INPP4B: variants seen among roughly 807,000 people sequenced by gnomAD.
INPP4B encodes the protein inositol polyphosphate-4-phosphatase type II B, also known as inositol polyphosphate 4-phosphatase type II.
In INPP4B, 55 loss-of-function variants were observed where a neutral mutation model predicts 122.5. The observed-to-expected ratio is 0.45, with a 90% CI of 0.36 to 0.56. The LOEUF (loss-of-function observed/expected upper bound fraction) is 0.56, where lower values mean the gene tolerates loss of function less well. Among genes scored for constraint, INPP4B ranks in the 20% least tolerant of loss-of-function variants. The pLI is 0.00. For synonymous variants in INPP4B, 403 were observed against 388.7 expected, an observed-to-expected ratio of 1.04 and a Z score of -0.43; for missense variants, 1,000 against 1,097.7, an observed-to-expected ratio of 0.91 and a Z score of 1.26.
chr4:142,150,736 T>A (rs1561296859), intron 17 of INPP4B, among the ~76,000 whole-genome samples: 1 of 152,096 alleles, frequency 6.6e-6, no homozygotes, highest in Non-Finnish European at 1.5e-5. Flanking sequence ...AGGGGGACAT[T>A]ACACCTGGCA....
chr4:142,195,349 T>C (rs3104279), intron 14 of INPP4B, among the ~76,000 whole-genome samples: 133,288 of 152,158 alleles, frequency 0.88, 59,178 homozygotes, highest in East Asian at 0.96. Context: ...GTTCCAGAGA[T>C]ATGCTGTATA....
At chr4:142,777,182 C>T (rs556675492) in intron 1 of INPP4B, among the ~76,000 whole-genome samples, 3 of 152,094 alleles carry the variant, frequency 2.0e-5, no homozygotes, top group African/African-American at 4.8e-5. Flanking sequence ...CAGTACTCCC[C>T]GCCTTGTGGT....
intron 21 of INPP4B, among the ~76,000 whole-genome samples, chr4:142,117,469 C>T (rs1017042228): frequency 6.6e-6 from 1 of 152,142 alleles, no homozygotes; most frequent in Non-Finnish European, 1.5e-5. Context: ...CCACCATGAT[C>T]AGGTGGGCTT....
intron 17 of INPP4B, among the ~76,000 whole-genome samples, chr4:142,148,241 T>TTG (rs57032740): frequency 2.1e-4 from 32 of 151,108 alleles, no homozygotes; most frequent in South Asian, 4.2e-4. Flanking sequence ...GTGTGTGTGT[T>TTG]TGTGTGTGTG....
At chr4:142,330,829 C>T (rs1336356389) in intron 7 of INPP4B, among the ~76,000 whole-genome samples, 1 of 152,092 alleles carries the variant, frequency 6.6e-6, no homozygotes, top group East Asian at 1.9e-4. Context: ...TGCCTCGGGG[C>T]TTAAAGAAGT....
At chr4:142,066,387 C>T (rs1436697246) in intron 25 of INPP4B, among the ~76,000 whole-genome samples, 6 of 152,108 alleles carry the variant, frequency 3.9e-5, no homozygotes, top group Admixed American at 6.6e-5. Context: ...ACTAGACAAG[C>T]GGTTATCAAA....
intron 2 of INPP4B, among the ~76,000 whole-genome samples, chr4:142,718,701 G>A (rs1248478324): frequency 1.3e-5 from 2 of 152,174 alleles, no homozygotes; most frequent in Non-Finnish European, 2.9e-5. Flanking sequence ...CCAAGTAACT[G>A]TAGCATGATT....
chr4:142,675,218 C>T (rs896162975), intron 2 of INPP4B, among the ~76,000 whole-genome samples: 11 of 152,180 alleles, frequency 7.2e-5, no homozygotes, highest in African/African-American at 1.4e-4. Flanking sequence ...ATACTATAAA[C>T]ACCTCTATGC....
intron 2 of INPP4B, among the ~76,000 whole-genome samples, chr4:142,564,449 A>AG (rs1731152420): frequency 2.3e-5 from 2 of 85,316 alleles, no homozygotes; most frequent in African/African-American, 7.4e-5. Flanking sequence ...CAAAAAAAAA[A>AG]AAAAAGAAAG....
rs148662987 is a variant in INPP4B at position 142,693,237 on chromosome 4, A to G, written c.-191+32602T>C. Among the ~76,000 whole-genome samples, 336 of 152,070 alleles carry G rather than the reference A, an allele frequency of 2.2e-3. 1 individual carries two copies. Among genetic ancestry groups the G allele is most frequent in the Admixed American group, 3.7e-3 (56 of 15,268 alleles). ...TTGGTATGTGTCATGGCTAGGTGAG[A>G]AATACACTTTTAGAATGGCTGATGG... On this transcript the variant is annotated intron_variant, in intron 2 of 25. Transcript: ENST00000262992.
intron 25 of INPP4B, among the ~76,000 whole-genome samples, chr4:142,048,317 G>A (rs919414956): frequency 2.6e-5 from 4 of 152,050 alleles, no homozygotes; most frequent in African/African-American, 9.7e-5. Context: ...GAATATGTAG[G>A]ACAGCTCAAC....
chr4:142,634,163 T>G (rs1399355070), intron 2 of INPP4B, among the ~76,000 whole-genome samples: 1 of 152,170 alleles, frequency 6.6e-6, no homozygotes, highest in African/African-American at 2.4e-5. Context: ...TGTGAATAAA[T>G]AGATAATCTG....
chr4:142,124,927 C>T (rs1345262263), intron 18 of INPP4B, among the ~76,000 whole-genome samples, 167 bp from the exon 19 acceptor site: 1 of 152,126 alleles, frequency 6.6e-6, no homozygotes, highest in Non-Finnish European at 1.5e-5. Context: ...CTCGCCTGAA[C>T]TCCACAATGT....
intron 2 of INPP4B, among the ~76,000 whole-genome samples, chr4:142,505,411 G>A (rs1461504077): frequency 6.6e-6 from 1 of 152,094 alleles, no homozygotes; most frequent in Non-Finnish European, 1.5e-5. Context: ...ATAAAAGGAA[G>A]GGAGTGGGCC....
intron 2 of INPP4B, among the ~76,000 whole-genome samples, chr4:142,548,791 A>ATG (rs1205919624): frequency 2.0e-5 from 3 of 151,802 alleles, no homozygotes; most frequent in African/African-American, 7.3e-5. Flanking sequence ...ATATATATAT[A>ATG]TTAATTTAAC....
intron 18 of INPP4B, among the ~76,000 whole-genome samples, chr4:142,136,263 G>A (rs529823850): frequency 6.6e-6 from 1 of 152,326 alleles, no homozygotes; most frequent in Non-Finnish European, 1.5e-5. Flanking sequence ...AAGATGGAAG[G>A]TCGGGCAGGC....
chr4:142,305,901 A>G (rs1242827818), intron 8 of INPP4B: 2 of 1,042,650 alleles, frequency 1.9e-6, no homozygotes, highest in African/African-American at 3.4e-5. Context: ...CTCTTATTAG[A>G]ATTCCTCAAA....
At chr4:142,177,623 G>A (rs377257513) in intron 15 of INPP4B, among the ~76,000 whole-genome samples, 3 of 151,902 alleles carry the variant, frequency 2.0e-5, no homozygotes, top group Admixed American at 6.6e-5. Context: ...GTGAATTAAA[G>A]TGTACTATAT....
intron 1 of INPP4B, among the ~76,000 whole-genome samples, chr4:142,832,763 C>A (rs1056312823): frequency 2.0e-5 from 3 of 151,872 alleles, no homozygotes; most frequent in African/African-American, 7.3e-5. Context: ...TCTACTCCCC[C>A]CCCGCATTGT....
Sources: gnomAD v4.1 joint callset for allele counts (sites outside exome capture counted in the v4.1 genomes callset) on GRCh38, gnomAD v4.1.1 for gene constraint, MANE v1.5 for transcripts, NCBI Gene and HGNC (gene_info 2026-07-23, HGNC 2026-07-21) for gene names.